Variants in NSMCE2 observed in about 807,000 individuals in gnomAD.
NSMCE2 encodes the protein E3 SUMO-protein ligase NSE2.
In NSMCE2, 24 loss-of-function variants were observed where a neutral mutation model predicts 23.8. The observed-to-expected ratio is 1.01, with a 90% CI of 0.73 to 1.42. NSMCE2 has a LOEUF of 1.42. Ranked by LOEUF, NSMCE2 falls within the 40% of genes most tolerant of loss-of-function variation. The pLI is 0.00. For missense variants in NSMCE2, 284 were observed against 296.5 expected (o/e 0.96, Z 0.31); for synonymous variants, 92 against 94.1 (o/e 0.98, Z 0.13).
chr8:125,099,284 C>T (rs372995499), intron 1 of NSMCE2, among the ~76,000 whole-genome samples: 21 of 151,874 alleles, frequency 1.4e-4, no homozygotes, highest in African/African-American at 4.4e-4. Context: ...GAGGGCTTGC[C>T]GTTGTATATC....
chr8:125,327,342 AG>A (rs1256443720), intron 5 of NSMCE2, among the ~76,000 whole-genome samples: 2 of 152,000 alleles, frequency 1.3e-5, no homozygotes, highest in Non-Finnish European at 2.9e-5. Flanking sequence ...GAATGAATGT[AG>A]TATAATTACC....
At chr8:125,194,607 C>T (rs544498287) in intron 5 of NSMCE2, among the ~76,000 whole-genome samples, 39 of 152,066 alleles carry the variant, frequency 2.6e-4, no homozygotes, top group African/African-American at 7.0e-4. Flanking sequence ...GAGTAAATAT[C>T]CAGGCATAAG....
rs67522578 is a variant in NSMCE2, at chr8:125,272,716, A to AAT, written c.419-84491_419-84490dup. On this transcript the variant is annotated intron_variant, in intron 5 of 7. Transcript: ENST00000287437. Reference sequence around the variant, plus strand: ...CTACTTGGGATATATATATATATATAATATATATATATACACACACACACA... The same window carrying AAT: ...CTACTTGGGATATATATATATATATAATATATATATATATACACACACACACA... 2.3e-4 allele frequency among the ~76,000 whole-genome samples: 33 copies of AAT among 140,490 alleles called. 1 individual carries two copies. Among genetic ancestry groups the AAT allele is most frequent in the East Asian group, 6.0e-4 (3 of 5,014 alleles). The allele number at this position is 140,490 out of a possible 152,430, so 92.2% of individuals were successfully genotyped here. A position where few individuals can be genotyped will look rare whatever the true frequency, so the allele number is the denominator to read the frequency against.
chr8:125,200,645 A>T (rs1823830238), intron 5 of NSMCE2, among the ~76,000 whole-genome samples: 1 of 151,930 alleles, frequency 6.6e-6, no homozygotes, highest in Non-Finnish European at 1.5e-5. Context: ...TCTGACAATT[A>T]TGTGTCTTGG....
At chr8:125,203,718 G>A (rs927869468) in intron 5 of NSMCE2, among the ~76,000 whole-genome samples, 21 of 152,114 alleles carry the variant, frequency 1.4e-4, no homozygotes, top group African/African-American at 5.1e-4. Context: ...GAGGTGAGAA[G>A]AAAAGGAGAC....
intron 5 of NSMCE2, among the ~76,000 whole-genome samples, chr8:125,352,046 T>G (rs1813056704): frequency 6.6e-6 from 1 of 152,170 alleles, no homozygotes; most frequent in Non-Finnish European, 1.5e-5. Context: ...GCTTAAATTT[T>G]CTTGCTACAC....
intron 5 of NSMCE2, among the ~76,000 whole-genome samples, chr8:125,325,058 G>T (rs1419629425): frequency 6.6e-6 from 1 of 152,028 alleles, no homozygotes; most frequent in African/African-American, 2.4e-5. Flanking sequence ...GAACAGATGT[G>T]TACATTATCA....
chr8:125,180,010 T>A (rs1822719874), intron 4 of NSMCE2, among the ~76,000 whole-genome samples: 1 of 152,246 alleles, frequency 6.6e-6, no homozygotes, highest in Admixed American at 6.5e-5. Flanking sequence ...TAGGTGGATG[T>A]GAGTCCATTT....
At chr8:125,295,833 G>A (rs1308609342) in intron 5 of NSMCE2, among the ~76,000 whole-genome samples, 1 of 152,116 alleles carries the variant, frequency 6.6e-6, no homozygotes, top group Non-Finnish European at 1.5e-5. Context: ...AATGAATTCT[G>A]TTTTGAGCAT....
intron 5 of NSMCE2, among the ~76,000 whole-genome samples, chr8:125,341,451 G>C (rs1369347115): frequency 6.6e-6 from 1 of 152,170 alleles, no homozygotes; most frequent in Non-Finnish European, 1.5e-5. Context: ...TGTAGTGCTA[G>C]GAGTCAGGCC....
intron 5 of NSMCE2, among the ~76,000 whole-genome samples, chr8:125,315,321 C>G (rs183465518): frequency 6.6e-6 from 1 of 152,282 alleles, no homozygotes; most frequent in Admixed American, 6.5e-5. Flanking sequence ...GCTTCCACAT[C>G]AGCAAAGTGG....
At chr8:125,342,676 T>G (rs1459306225) in intron 5 of NSMCE2, among the ~76,000 whole-genome samples, 1 of 152,198 alleles carries the variant, frequency 6.6e-6, no homozygotes, top group African/African-American at 2.4e-5. Context: ...TTCATTTTAT[T>G]TCTTCCTTCC....
At chr8:125,352,137 TG>T (rs1275745580) in intron 5 of NSMCE2, among the ~76,000 whole-genome samples, 3 of 152,222 alleles carry the variant, frequency 2.0e-5, no homozygotes, top group African/African-American at 7.2e-5. Context: ...TGCTTAGCAC[TG>T]TAGCTGCTAT....
intron 4 of NSMCE2, among the ~76,000 whole-genome samples, chr8:125,157,394 A>T (rs1052947090): frequency 3.9e-5 from 6 of 152,200 alleles, no homozygotes; most frequent in African/African-American, 1.4e-4. Context: ...TGAGCTTTTC[A>T]TCTGTAGGAA....
intron 3 of NSMCE2, among the ~76,000 whole-genome samples, chr8:125,103,731 C>G (rs1170940994): frequency 6.6e-6 from 1 of 152,102 alleles, no homozygotes; most frequent in Non-Finnish European, 1.5e-5. Context: ...TTCATCTTGT[C>G]TACTGCAGTG....
chr8:125,327,944 A>G (rs1297959761), intron 5 of NSMCE2, among the ~76,000 whole-genome samples: 2 of 152,228 alleles, frequency 1.3e-5, no homozygotes, highest in South Asian at 2.1e-4. Flanking sequence ...TGAGGTTAGT[A>G]TATATTAAAG....
chr8:125,178,860 G>A (rs544084072), intron 4 of NSMCE2, among the ~76,000 whole-genome samples: 89 of 151,892 alleles, frequency 5.9e-4, no homozygotes, highest in African/African-American at 1.9e-3. Context: ...GTGAGACTCC[G>A]CCTCAAAAAA....
At chr8:125,223,385 A>G (rs1021442464) in intron 5 of NSMCE2, among the ~76,000 whole-genome samples, 3 of 152,088 alleles carry the variant, frequency 2.0e-5, no homozygotes, top group African/African-American at 7.2e-5. Flanking sequence ...AATAAAATAA[A>G]AGTAGACACT....
intron 5 of NSMCE2, among the ~76,000 whole-genome samples, chr8:125,312,640 C>CAAAT (rs1412753267): frequency 6.6e-6 from 1 of 152,074 alleles, no homozygotes; most frequent in African/African-American, 2.4e-5. Flanking sequence ...AGTAAATAAA[C>CAAAT]AAATAAATAA....
Sources: allele counts gnomAD v4.1 joint callset (sites outside exome capture counted in the v4.1 genomes callset), GRCh38; gene constraint gnomAD v4.1.1; transcripts MANE v1.5; gene names NCBI Gene and HGNC (gene_info 2026-07-23, HGNC 2026-07-21).